Variants in PKP4 observed in about 807,000 individuals in gnomAD.
PKP4 encodes the protein plakophilin 4.
In PKP4, 90 loss-of-function variants were observed where a neutral mutation model predicts 145.1. The observed-to-expected ratio is 0.62, with a 90% CI of 0.52 to 0.74. The LOEUF is 0.74. Ranked by LOEUF, PKP4 falls within the 30% of genes least tolerant of loss-of-function variation. The pLI is 0.00. For synonymous variants in PKP4, 563 were observed against 577.2 expected (o/e 0.98, Z 0.35); for missense variants, 1,340 against 1,482.7 (o/e 0.90, Z 1.58).
chr2:158,482,981 T>G (rs1693594286), intron 1 of PKP4, among the ~76,000 whole-genome samples: 1 of 152,198 alleles, frequency 6.6e-6, no homozygotes. Flanking sequence ...TTAAGTAGCT[T>G]TTATCCATCC....
chr2:158,567,730 A>C (rs1367776555), intron 2 of PKP4, among the ~76,000 whole-genome samples: 1 of 152,196 alleles, frequency 6.6e-6, no homozygotes, highest in Admixed American at 6.5e-5. Flanking sequence ...GAAAAAATGT[A>C]AGCAGTGGAA....
At chr2:158,520,891 T>A (rs962973576) in intron 1 of PKP4, among the ~76,000 whole-genome samples, 3 of 152,266 alleles carry the variant, frequency 2.0e-5, no homozygotes, top group African/African-American at 7.2e-5. Context: ...CGGTTGACAG[T>A]CATCCTTGTT....
chr2:158,531,450 T>G (rs915638644), intron 1 of PKP4, among the ~76,000 whole-genome samples: 2 of 152,230 alleles, frequency 1.3e-5, no homozygotes, highest in Admixed American at 1.3e-4. Context: ...AATACTTTTA[T>G]ATCTTTACTT....
In PKP4 at chr2:158,616,399, G is replaced by T. The variant is rs969525114; in HGVS notation, c.281-4591G>T. 9.9e-5 allele frequency among the ~76,000 whole-genome samples: 15 copies of T among 152,282 alleles called. No homozygotes were observed. In the East Asian group the frequency reaches 1.2e-3, roughly 12 times the overall value. On this transcript the variant is annotated intron_variant, in intron 4 of 21. Transcript: ENST00000389759. Reference sequence around the variant, plus strand: ...ACCTCTGTGGAAAGTAGACTCCTTCGTAAGCCTGTGGTCCTACAGGAAAGG... The same window carrying T: ...ACCTCTGTGGAAAGTAGACTCCTTCTTAAGCCTGTGGTCCTACAGGAAAGG...
At chr2:158,587,801 C>T (rs2048923974) in intron 3 of PKP4, among the ~76,000 whole-genome samples, 4 of 151,916 alleles carry the variant, frequency 2.6e-5, no homozygotes, top group African/African-American at 9.7e-5. Flanking sequence ...TTCTCTTCCC[C>T]ATAGCTAACC....
At chr2:158,462,179 C>T (rs1689872577) in intron 1 of PKP4, among the ~76,000 whole-genome samples, 1 of 152,084 alleles carries the variant, frequency 6.6e-6, no homozygotes, top group South Asian at 2.1e-4. Flanking sequence ...GTCTGAATTG[C>T]AAGCATGAGG....
At chr2:158,538,436 G>T (rs931986625) in intron 2 of PKP4, among the ~76,000 whole-genome samples, 1 of 151,060 alleles carries the variant, frequency 6.6e-6, no homozygotes, top group African/African-American at 2.4e-5. Context: ...AATTGCACAT[G>T]TAATATTCAT....
chr2:158,618,076 A>C (rs1167964479), intron 4 of PKP4, among the ~76,000 whole-genome samples: 1 of 152,160 alleles, frequency 6.6e-6, no homozygotes, highest in Non-Finnish European at 1.5e-5. Flanking sequence ...CCAGCTACTC[A>C]GGAGGCTGAG....
At chr2:158,645,514 T>C (rs1168484641) in intron 11 of PKP4, among the ~76,000 whole-genome samples, 1 of 152,210 alleles carries the variant, frequency 6.6e-6, no homozygotes, top group Non-Finnish European at 1.5e-5. Flanking sequence ...TCCTGTGTCA[T>C]GTCCAGTTGT....
chr2:158,639,518 C>T (rs1039425161), intron 9 of PKP4, among the ~76,000 whole-genome samples: 4 of 152,166 alleles, frequency 2.6e-5, no homozygotes, highest in African/African-American at 9.7e-5. Context: ...TAAAGGTTTA[C>T]TCAGTATGAA....
rs201593930 is a variant in PKP4, at chr2:158,508,045, TTCTA to T, written c.-5-25134_-5-25131del. ...CAAAGACCATTTCATCCCTTAGACA[TTCTA>T]CCCAGGACATTGAAAATAGAAACAA... On this transcript the variant is annotated intron_variant, in intron 1 of 21. Coordinates refer to ENST00000389759, the MANE Select transcript of PKP4 (RefSeq NM_003628.6). Among the ~76,000 whole-genome samples, 421 of 152,130 alleles carry T rather than the reference TTCTA, an allele frequency of 2.8e-3. 3 individuals carry two copies. Among genetic ancestry groups the T allele is most frequent in the African/African-American group, 9.7e-3 (404 of 41,504 alleles).
chr2:158,552,560 G>T (rs943467402), intron 2 of PKP4, among the ~76,000 whole-genome samples: 1 of 139,256 alleles, frequency 7.2e-6, no homozygotes, highest in African/African-American at 2.6e-5. Flanking sequence ...GGTATTAAAG[G>T]TGGTTCTGGT....
chr2:158,629,228 T>C (rs2053115881), intron 7 of PKP4, among the ~76,000 whole-genome samples: 1 of 152,206 alleles, frequency 6.6e-6, no homozygotes, highest in Non-Finnish European at 1.5e-5. Flanking sequence ...TACCTTCCTC[T>C]TTAACCTGGT....
intron 4 of PKP4, among the ~76,000 whole-genome samples, chr2:158,618,941 T>A (rs2051923230): frequency 6.6e-6 from 1 of 152,212 alleles, no homozygotes. Context: ...TGAACATCTT[T>A]TTCTTTTCCA....
chr2:158,593,228 G>C (rs944455888), intron 3 of PKP4, among the ~76,000 whole-genome samples: 8 of 152,124 alleles, frequency 5.3e-5, no homozygotes, highest in African/African-American at 1.9e-4. Context: ...CCAAATCTTT[G>C]CCCAAATAGG....
intron 1 of PKP4, among the ~76,000 whole-genome samples, chr2:158,487,511 C>T (rs1463445545): frequency 6.6e-6 from 1 of 152,118 alleles, no homozygotes; most frequent in South Asian, 2.1e-4. Flanking sequence ...CATACTGTTG[C>T]TATGAGTTAA....
chr2:158,606,874 A>G (rs1219872629), intron 4 of PKP4, among the ~76,000 whole-genome samples: 1 of 152,240 alleles, frequency 6.6e-6, no homozygotes, highest in Admixed American at 6.5e-5. Context: ...GTGGAGATGT[A>G]TAACTATATT....
chr2:158,680,321 T>C (rs2058357857), intron 21 of PKP4, 108 bp from the exon 22 acceptor site: 5 of 826,980 alleles, frequency 6.0e-6, no homozygotes, highest in Middle Eastern at 2.8e-4. Flanking sequence ...ACTGCAAATA[T>C]TGAATATTGC....
intron 2 of PKP4, among the ~76,000 whole-genome samples, chr2:158,566,609 T>C (rs1405407475): frequency 6.6e-5 from 10 of 152,172 alleles, no homozygotes; most frequent in Non-Finnish European, 1.5e-4. Flanking sequence ...ACCATGTTTT[T>C]TATATTAATT....
Sources: allele counts gnomAD v4.1 joint callset (sites outside exome capture counted in the v4.1 genomes callset), GRCh38; gene constraint gnomAD v4.1.1; transcripts MANE v1.5; gene names NCBI Gene and HGNC (gene_info 2026-07-23, HGNC 2026-07-21).